Variants in SWAP70 observed in about 807,000 individuals in gnomAD.
The protein encoded by SWAP70 is switching B cell complex subunit SWAP70, also known as switch-associated protein 70.
A neutral mutation model predicts 80.2 loss-of-function variants in SWAP70; 34 were observed. That is an observed-to-expected ratio of 0.42 (90% CI 0.32 to 0.56). The LOEUF is 0.56. Ranked by LOEUF, SWAP70 falls within the 20% of genes least tolerant of loss-of-function variation. SWAP70 has a pLI of 0.09. For synonymous variants in SWAP70, 239 were observed against 238.5 expected (o/e 1.00, Z -0.02); for missense variants, 578 against 690.7 (o/e 0.84, Z 1.83).
intron 1 of SWAP70, among the ~76,000 whole-genome samples, chr11:9,668,885 A>G (rs908688087): frequency 7.2e-5 from 11 of 152,220 alleles, no homozygotes; most frequent in African/African-American, 2.7e-4. Flanking sequence ...AAAGGCAGAG[A>G]AAAAAGAAAC....
chr11:9,701,563 A>G (rs1465138294), intron 2 of SWAP70, among the ~76,000 whole-genome samples: 1 of 150,470 alleles, frequency 6.6e-6, no homozygotes, highest in African/African-American at 2.4e-5. Context: ...CAGGAGGATC[A>G]CCTGAGCCCA....
chr11:9,671,226 T>A (rs1850376136), intron 1 of SWAP70, among the ~76,000 whole-genome samples: 1 of 75,984 alleles, frequency 1.3e-5, no homozygotes, highest in East Asian at 4.3e-4. Flanking sequence ...TAAAAATATA[T>A]AAAATATATT....
intron 1 of SWAP70, among the ~76,000 whole-genome samples, chr11:9,675,942 G>A (rs1394651841): frequency 1.3e-5 from 2 of 151,058 alleles, no homozygotes. Flanking sequence ...AAATACAACT[G>A]ATTGTCATGT....
chr11:9,719,093 C>CAAAAA (rs3049796), intron 3 of SWAP70, among the ~76,000 whole-genome samples: 29,544 of 94,234 alleles, frequency 0.31, 4,278 homozygotes, highest in Non-Finnish European at 0.36. Flanking sequence ...GACACTGAAT[C>CAAAAA]AAAAAAAAAA....
chr11:9,672,213 A>G lies in SWAP70; in HGVS notation c.99+7935A>G, dbSNP rs1236870954. Reference sequence around the variant, plus strand: ...TGTGTGTCTATATATATATATATATATATATATATATATATGATTGTAAAG... The same window carrying G: ...TGTGTGTCTATATATATATATATATGTATATATATATATATGATTGTAAAG... On this transcript the variant is annotated intron_variant, in intron 1 of 11. Coordinates refer to ENST00000318950, the MANE Select transcript of SWAP70 (RefSeq NM_015055.4). Among the ~76,000 whole-genome samples, 162 of 131,852 alleles carry G rather than the reference A, an allele frequency of 1.2e-3. 2 individuals are homozygous for G. The highest frequency in any genetic ancestry group is 4.2e-3 in the African/African-American group (154 of 36,314). The allele number at this position is 131,852 out of a possible 152,430, so 86.5% of individuals were successfully genotyped here.
chr11:9,737,499 G>A (rs1453727224), intron 7 of SWAP70, among the ~76,000 whole-genome samples: 41 of 152,160 alleles, frequency 2.7e-4, no homozygotes, highest in Admixed American at 2.7e-3. Context: ...GGTCTGTGGA[G>A]CTCCTTATGC....
At chr11:9,741,947 A>T (rs1407917209) in intron 9 of SWAP70, 2 of 148,522 alleles carry the variant, frequency 1.3e-5, no homozygotes, top group African/African-American at 4.9e-5. Flanking sequence ...TTAAAAAAAA[A>T]AAAAAAAAAA....
intron 1 of SWAP70, among the ~76,000 whole-genome samples, chr11:9,679,851 A>G (rs1231459529): frequency 6.6e-6 from 1 of 151,850 alleles, no homozygotes; most frequent in Non-Finnish European, 1.5e-5. Context: ...TTGTATTTTC[A>G]GTAGAGACAG....
intron 1 of SWAP70, among the ~76,000 whole-genome samples, chr11:9,666,089 GTTTTTTT>G (rs1392291288): frequency 7.9e-6 from 1 of 126,230 alleles, no homozygotes; most frequent in East Asian, 2.2e-4. Context: ...TTAGTTTTTT[GTTTTTTT>G]TTTTTCTGAG....
chr11:9,665,301 C>G (rs1172780176), intron 1 of SWAP70, among the ~76,000 whole-genome samples: 1 of 152,264 alleles, frequency 6.6e-6, no homozygotes, highest in African/African-American at 2.4e-5. Flanking sequence ...TTAACATTCT[C>G]CTTGTCTTCC....
In SWAP70 at chr11:9,738,241, C is replaced by T. The variant is rs748008841; in HGVS notation, c.1109C>T (p.Ala370Val). The change falls in exon 8 of 12, where the codon GCA (alanine) becomes GTA (valine). Residue 370 changes from alanine (A) to valine (V), a missense_variant. Ala to Val is a moderately conservative substitution (Grantham distance 64). Coordinates refer to ENST00000318950, the MANE Select transcript of SWAP70 (RefSeq NM_015055.4). Reference protein sequence around the residue: ...KKLEEAASRAAEEEKKRLQTQ... With the variant: ...KKLEEAASRAVEEEKKRLQTQ... Reference sequence around the variant, plus strand: ...CTGGAGGAAGCAGCATCTCGTGCAGCAGAAGAGGAAAAGAAACGCCTTCAG... The same window carrying T: ...CTGGAGGAAGCAGCATCTCGTGCAGTAGAAGAGGAAAAGAAACGCCTTCAG... 4 of 1,610,380 alleles carry T rather than the reference C, an allele frequency of 2.5e-6. No individual in the cohort carries two copies. Among genetic ancestry groups the T allele is most frequent in the East Asian group, 2.2e-5 (1 of 44,578 alleles).
At chr11:9,711,973 G>A (rs1407552870) in intron 2 of SWAP70, among the ~76,000 whole-genome samples, 1 of 152,072 alleles carries the variant, frequency 6.6e-6, no homozygotes, top group Non-Finnish European at 1.5e-5. Flanking sequence ...CCTCCACTTC[G>A]GGGCTTTCTC....
At chr11:9,730,002 T>A (rs966374276) in intron 6 of SWAP70, among the ~76,000 whole-genome samples, 2 of 152,216 alleles carry the variant, frequency 1.3e-5, no homozygotes, top group Admixed American at 6.5e-5. Context: ...GGGTTGCAAG[T>A]ATAGTTCTGC....
At chr11:9,745,004 C>T (rs1851493599) in intron 9 of SWAP70, among the ~76,000 whole-genome samples, 1 of 152,210 alleles carries the variant, frequency 6.6e-6, no homozygotes, top group Non-Finnish European at 1.5e-5. Flanking sequence ...CCCTGGAGTA[C>T]ACCTTAGTCG....
At chr11:9,669,641 A>G (rs1008566114) in intron 1 of SWAP70, among the ~76,000 whole-genome samples, 1 of 152,144 alleles carries the variant, frequency 6.6e-6, no homozygotes, top group Non-Finnish European at 1.5e-5. Context: ...TGTGTAACTT[A>G]CTTTGATTGG....
At chr11:9,745,263 G>A (rs1851497866) in intron 9 of SWAP70, among the ~76,000 whole-genome samples, 1 of 152,226 alleles carries the variant, frequency 6.6e-6, no homozygotes, top group Admixed American at 6.5e-5. Context: ...TTGTGAGGAT[G>A]AAATGAAATG....
At chr11:9,725,588 T>TC (rs1162308321) in intron 4 of SWAP70, among the ~76,000 whole-genome samples, 1 of 116,290 alleles carries the variant, frequency 8.6e-6, no homozygotes, top group Non-Finnish European at 1.7e-5. Flanking sequence ...TTTTTTTTTT[T>TC]CCAAGACGGA....
chr11:9,725,579 T>A (rs1190030357), intron 4 of SWAP70, among the ~76,000 whole-genome samples: 7 of 132,182 alleles, frequency 5.3e-5, no homozygotes, highest in South Asian at 2.5e-4. Flanking sequence ...ATTTTTTTTT[T>A]TTTTTTTTTC....
At chr11:9,737,671 GC>G (rs1397118372) in intron 7 of SWAP70, among the ~76,000 whole-genome samples, 1 of 152,168 alleles carries the variant, frequency 6.6e-6, no homozygotes, top group African/African-American at 2.4e-5. Flanking sequence ...GCTGAGGTGG[GC>G]GGATCACGAG....
Sources: allele counts gnomAD v4.1 joint callset (sites outside exome capture counted in the v4.1 genomes callset), GRCh38; gene constraint gnomAD v4.1.1; transcripts MANE v1.5; gene names NCBI Gene and HGNC (gene_info 2026-07-23, HGNC 2026-07-21).